ASPH: variants seen among roughly 807,000 people sequenced by gnomAD.
ASPH encodes aspartyl/asparaginyl beta-hydroxylase.
ASPH carries 100 observed loss-of-function variants against 118.4 expected under a neutral mutation model. The observed-to-expected ratio is 0.84, with a 90% CI of 0.72 to 1.00. ASPH has a LOEUF of 1.00. ASPH is among the 50% of genes least tolerant of loss of function. The pLI is 0.00. For synonymous variants in ASPH, 315 were observed against 325.6 expected (o/e 0.97, Z 0.35); for missense variants, 920 against 919.5 (o/e 1.00, Z -0.01).
chr8:61,575,824 C>G (rs543877699), intron 16 of ASPH, among the ~76,000 whole-genome samples: 9 of 152,202 alleles, frequency 5.9e-5, no homozygotes, highest in Non-Finnish European at 1.3e-4. Flanking sequence ...TCCAGAGCCA[C>G]GCCTCCTCGA....
intron 24 of ASPH, among the ~76,000 whole-genome samples, chr8:61,509,523 C>T (rs535107048): frequency 2.4e-4 from 36 of 152,148 alleles, no homozygotes; most frequent in African/African-American, 3.4e-4. Flanking sequence ...GGGTTTTAGC[C>T]GGCTTCTTTA....
intron 3 of ASPH, among the ~76,000 whole-genome samples, chr8:61,662,488 A>C (rs979132933): frequency 3.9e-5 from 6 of 152,200 alleles, no homozygotes; most frequent in Admixed American, 1.3e-4. Context: ...AACAATATGA[A>C]GCAAACAATA....
Position 61,576,863 on chromosome 8 carries a change from TAGAA to T in ASPH, c.1063-9_1063-6del. ...CACTGCTTCCTCAATTTTTCCCTGT[TAGAA>T]AGACAAAATTACATAAATAAAATAA... On this transcript the variant is annotated splice_region_variant and splice_polypyrimidine_tract_variant and intron_variant, in intron 15 of 24. Coordinates refer to ENST00000379454, the MANE Select transcript of ASPH (RefSeq NM_004318.4). 6.3e-7 allele frequency: 1 copy of T among 1,598,468 alleles called. No homozygotes were observed. Among genetic ancestry groups the T allele is most frequent in the Non-Finnish European group, 8.5e-7 (1 of 1,170,078 alleles).
chr8:61,587,521 A>G (rs967847183), intron 14 of ASPH, among the ~76,000 whole-genome samples: 3 of 152,228 alleles, frequency 2.0e-5, no homozygotes, highest in African/African-American at 7.2e-5. Flanking sequence ...TATAAAATTC[A>G]AGTTAAAATA....
intron 14 of ASPH, among the ~76,000 whole-genome samples, chr8:61,593,832 A>G (rs1841843044): frequency 6.6e-6 from 1 of 152,210 alleles, no homozygotes; most frequent in African/African-American, 2.4e-5. Flanking sequence ...AGTGCCAGAC[A>G]CTGAATTTTA....
At chr8:61,633,508 T>G (rs1472472370) in intron 13 of ASPH, 175 bp downstream of exon 13, 1 of 503,880 alleles carries the variant, frequency 2.0e-6, no homozygotes, top group Non-Finnish European at 3.5e-6. Flanking sequence ...GAATCTGATG[T>G]GCATTTTCCA....
intron 1 of ASPH, among the ~76,000 whole-genome samples, chr8:61,698,847 C>A (rs772164687): frequency 6.6e-6 from 1 of 152,194 alleles, no homozygotes; most frequent in Admixed American, 6.5e-5. Flanking sequence ...CAAGCTCTTA[C>A]TAAATAAATT....
intron 21 of ASPH, among the ~76,000 whole-genome samples, chr8:61,538,644 CTTAA>C (rs1404113575): frequency 5.9e-5 from 9 of 152,184 alleles, no homozygotes; most frequent in African/African-American, 1.7e-4. Flanking sequence ...CAATGGATTT[CTTAA>C]TTAATAAAAG....
At chr8:61,619,094 TAAA>T in intron 13 of ASPH, 75 bp from the exon 14 acceptor site, 5 of 1,048,080 alleles carry the variant, frequency 4.8e-6, no homozygotes, top group Non-Finnish European at 7.0e-6. Flanking sequence ...GGACAATATT[TAAA>T]TGAATTCAAT....
rs371876919 is a variant in ASPH, at chr8:61,703,542, T to C, written c.103+10727A>G. On this transcript the variant is annotated intron_variant, in intron 1 of 24. Coordinates refer to ENST00000379454, the MANE Select transcript of ASPH (RefSeq NM_004318.4). ...AATAGCATCAAAAAATACAAAATAT[T>C]TAGAAAAATGTTTAACAGAAAAATG... Among the ~76,000 whole-genome samples the C allele has an allele frequency of 1.3e-4, 20 of 151,920 alleles. No individual in the cohort carries two copies. In the South Asian group the frequency reaches 4.2e-3, roughly 32 times the overall value.
At chr8:61,640,611 T>C (rs770142493) in intron 10 of ASPH, among the ~76,000 whole-genome samples, 6 of 152,226 alleles carry the variant, frequency 3.9e-5, no homozygotes, top group Non-Finnish European at 7.3e-5. Context: ...CTAGCACTTA[T>C]CACAACTGGA....
Position 61,663,368 on chromosome 8 carries a change from A to C in ASPH, c.323-9708T>G, listed in dbSNP as rs530663641. ...AGGCCTAACCAGGCCAACTGGAATT[A>C]TCTCTCCCAGAGCCATCTGCATTGG... On this transcript the variant is annotated intron_variant, in intron 3 of 24. Transcript: ENST00000379454. The C allele has an allele frequency of 2.6e-5, 26 of 985,438 alleles. 1 individual carries two copies. The East Asian group carries it at 4.5e-4, about 17-fold the overall frequency. The allele number at this position is 985,438 out of a possible 1,614,324, so 61.0% of individuals were successfully genotyped here. A position where few individuals can be genotyped will look rare whatever the true frequency, so the allele number is the denominator to read the frequency against.
chr8:61,704,874 G>A (rs1010834026), intron 1 of ASPH, among the ~76,000 whole-genome samples: 4 of 152,096 alleles, frequency 2.6e-5, no homozygotes, highest in African/African-American at 9.7e-5. Context: ...GTTAGTGGGA[G>A]TATAAAATAT....
At chr8:61,587,908 G>A (rs1206905406) in intron 14 of ASPH, among the ~76,000 whole-genome samples, 2 of 152,096 alleles carry the variant, frequency 1.3e-5, no homozygotes, top group African/African-American at 4.8e-5. Flanking sequence ...ATTCAGGCTG[G>A]TGATGGGACC....
intron 1 of ASPH, among the ~76,000 whole-genome samples, chr8:61,708,875 C>A (rs1458481423): frequency 7.4e-6 from 1 of 135,372 alleles, no homozygotes; most frequent in Admixed American, 7.5e-5. Context: ...CTCCCACCCC[C>A]CAGCCCCCCA....
chr8:61,679,950 AAAAAAAAAC>A (rs1236410222), intron 3 of ASPH, among the ~76,000 whole-genome samples: 1 of 149,546 alleles, frequency 6.7e-6, no homozygotes, highest in Admixed American at 6.7e-5. Context: ...AATAAAAAAA[AAAAAAAAAC>A]AAAAAACACC....
At chr8:61,569,980 A>C (rs1832962226) in intron 16 of ASPH, among the ~76,000 whole-genome samples, 1 of 141,374 alleles carries the variant, frequency 7.1e-6, no homozygotes, top group African/African-American at 3.0e-5. Context: ...ATGTTGATAG[A>C]TAACTTTGCA....
At chr8:61,623,613 G>A (rs1448719865) in intron 13 of ASPH, 1 of 152,104 alleles carries the variant, frequency 6.6e-6, no homozygotes, top group Non-Finnish European at 1.5e-5. Context: ...AGAAATCATT[G>A]CCTAGACCAA....
At chr8:61,535,134 A>G (rs1819019474) in intron 21 of ASPH, among the ~76,000 whole-genome samples, 1 of 152,204 alleles carries the variant, frequency 6.6e-6, no homozygotes, top group South Asian at 2.1e-4. Context: ...AGACCCAAAC[A>G]CAGTCTCTTA....
Sources: gnomAD v4.1 joint callset for allele counts (sites outside exome capture counted in the v4.1 genomes callset) on GRCh38, gnomAD v4.1.1 for gene constraint, MANE v1.5 for transcripts, NCBI Gene and HGNC (gene_info 2026-07-23, HGNC 2026-07-21) for gene names.